IQCH: variants seen among roughly 807,000 people sequenced by gnomAD.
IQCH encodes IQ domain-containing protein H.
Under a neutral mutation model 117.0 loss-of-function variants are expected in IQCH, and 98 were observed. That is an observed-to-expected ratio of 0.84 (90% CI 0.71 to 0.99). The LOEUF (loss-of-function observed/expected upper bound fraction) is 0.99. Ranked by LOEUF, IQCH falls within the 50% of genes least tolerant of loss-of-function variation. IQCH has a pLI of 0.00. For missense variants in IQCH, 1,102 were observed against 1,243.8 expected (o/e 0.89, Z 1.72); for synonymous variants, 412 against 448.2 (o/e 0.92, Z 1.02).
rs1261925328 is a variant in IQCH at position 67,481,867 on chromosome 15, C to T, written c.2799+6049C>T. 3.3e-5 allele frequency among the ~76,000 whole-genome samples: 5 copies of T among 152,198 alleles called. No homozygotes were observed. Among genetic ancestry groups the T allele is most frequent in the Non-Finnish European group, 5.9e-5 (4 of 68,036 alleles). On this transcript the variant is annotated intron_variant, in intron 18 of 20. Coordinates refer to ENST00000335894, the MANE Select transcript of IQCH (RefSeq NM_001031715.3). This position sits in a 1 kb window ranked among gnomAD's most constrained non-coding sequence, Gnocchi z 4.1. ...CAGTCTGGATTAAAAGAGACTGTTG[C>T]TGCTTAAGACTTAAAACAACCCTTG...
rs932333906 is a variant in IQCH, at chr15:67,290,205, T to G, written c.387+10693T>G. On this transcript the variant is annotated intron_variant, in intron 4 of 20. Coordinates refer to ENST00000335894, the MANE Select transcript of IQCH (RefSeq NM_001031715.3). ...CCTGAAAATCAGTGGAAGGCTTCTG[T>G]CAGAGCTTTTCAGTACCTGAATGAT... 1.3e-5 allele frequency among the ~76,000 whole-genome samples: 2 copies of G among 152,096 alleles called. 1 individual carries two copies. The highest frequency in any genetic ancestry group is 1.3e-4 in the Admixed American group (2 of 15,158).
rs909437652 is a variant in IQCH, at chr15:67,458,159, C to T, written c.2506-6968C>T. 2.0e-5 allele frequency among the ~76,000 whole-genome samples: 3 copies of T among 152,202 alleles called. No homozygotes were observed. The highest frequency in any genetic ancestry group is 6.5e-5 in the Admixed American group (1 of 15,282). Reference sequence around the variant, plus strand: ...AAAAAGTGCCTGAGATTTCAACCCACCCTCTATAACATGCTGTAACAAAGG... The same window carrying T: ...AAAAAGTGCCTGAGATTTCAACCCATCCTCTATAACATGCTGTAACAAAGG... On this transcript the variant is annotated intron_variant, in intron 16 of 20. Coordinates refer to ENST00000335894, the MANE Select transcript of IQCH (RefSeq NM_001031715.3). This position sits in a 1 kb window ranked among gnomAD's most constrained non-coding sequence, Gnocchi z 4.1.
Position 67,457,980 on chromosome 15 carries a change from A to G in IQCH, c.2506-7147A>G, listed in dbSNP as rs1420411260. On this transcript the variant is annotated intron_variant, in intron 16 of 20. Coordinates refer to ENST00000335894, the MANE Select transcript of IQCH (RefSeq NM_001031715.3). This position sits in a 1 kb window ranked among gnomAD's most constrained non-coding sequence, Gnocchi z 5.7. ...TCCCCTGGGGAAGGCCTCAGGTCCTATAGACCTCACTTCTCACCAATCCAG... is the reference window on the plus strand; with the variant it reads ...TCCCCTGGGGAAGGCCTCAGGTCCTGTAGACCTCACTTCTCACCAATCCAG... 6.6e-6 allele frequency among the ~76,000 whole-genome samples: 1 copy of G among 152,192 alleles called. No individual in the cohort carries two copies. The highest frequency in any genetic ancestry group is 1.5e-5 in the Non-Finnish European group (1 of 68,034).
intron 1 of IQCH, among the ~76,000 whole-genome samples, chr15:67,255,979 A>G (rs1596036482): frequency 6.6e-6 from 1 of 152,164 alleles, no homozygotes; most frequent in East Asian, 1.9e-4. Context: ...AAACTGCCCT[A>G]ACTTCAACAC....
At chr15:67,289,730 T>A (rs1596109873) in intron 4 of IQCH, among the ~76,000 whole-genome samples, 1 of 152,256 alleles carries the variant, frequency 6.6e-6, no homozygotes, top group East Asian at 1.9e-4. Context: ...AGATTTGCTC[T>A]TATCAACATT....
At position 67,473,823 on chromosome 15, in the gene IQCH, G is replaced by GA. The variant is rs1176347344; in HGVS notation, c.2677-1868dup. Among the ~76,000 whole-genome samples, 4 of 152,086 alleles carry GA rather than the reference G, an allele frequency of 2.6e-5. No individual in the cohort carries two copies. Among genetic ancestry groups the GA allele is most frequent in the African/African-American group, 9.7e-5 (4 of 41,414 alleles). On this transcript the variant is annotated intron_variant, in intron 17 of 20. Transcript: ENST00000335894. This position sits in a 1 kb window ranked among gnomAD's most constrained non-coding sequence, Gnocchi z 4.9. ...GGATCAAATCAATTTTCTGTTGTTA[G>GA]AAAAATCCCAATGGCTACAAATGGG...
intron 18 of IQCH, among the ~76,000 whole-genome samples, chr15:67,478,878 T>C (rs1451702502): frequency 2.6e-5 from 4 of 151,018 alleles, no homozygotes; most frequent in Non-Finnish European, 5.9e-5. Context: ...GAGCCGAGAT[T>C]GCGCCACTGC....
intron 14 of IQCH, among the ~76,000 whole-genome samples, chr15:67,415,809 TA>T (rs1274972423): frequency 6.6e-6 from 1 of 152,224 alleles, no homozygotes; most frequent in Non-Finnish European, 1.5e-5. Context: ...TGAATATGAA[TA>T]TTGTCTATCA....
chr15:67,355,740 A>G (rs1969866877), intron 6 of IQCH, among the ~76,000 whole-genome samples: 1 of 152,238 alleles, frequency 6.6e-6, no homozygotes, highest in Non-Finnish European at 1.5e-5. Context: ...GCAGTGCATT[A>G]GGATACGGTT....
intron 4 of IQCH, chr15:67,306,776 A>G: frequency 2.3e-6 from 3 of 1,292,772 alleles, no homozygotes; most frequent in South Asian, 2.5e-5. Flanking sequence ...TTTTTTCAAT[A>G]TCTTCAATCT....
chr15:67,329,577 T>C (rs1251379858), intron 4 of IQCH, among the ~76,000 whole-genome samples: 1 of 152,058 alleles, frequency 6.6e-6, no homozygotes, highest in East Asian at 1.9e-4. Context: ...GCTCAAGCAA[T>C]CCTCTCACCT....
At chr15:67,288,000 C>T (rs959670578) in intron 4 of IQCH, among the ~76,000 whole-genome samples, 1 of 151,986 alleles carries the variant, frequency 6.6e-6, no homozygotes, top group Non-Finnish European at 1.5e-5. Context: ...TTCATTGACC[C>T]ACTGGTCATT....
At position 67,395,325 on chromosome 15, in the gene IQCH, ACAGTC is replaced by A; in HGVS notation, c.1669_1673del (p.Ser557GlnfsTer26). The A allele has an allele frequency of 6.2e-7, 1 of 1,613,970 alleles. No homozygotes were observed. Among genetic ancestry groups the A allele is most frequent in the Non-Finnish European group, 8.5e-7 (1 of 1,179,896 alleles). ...ATGTGCCTGGCCACTCACCTGATGT[ACAGTC>A]CCAAGGCAATCAAAAGAATAAAAAA... is the stretch of plus-strand genomic sequence containing the variant. On this transcript the variant is annotated frameshift_variant, in exon 13 of 21. Coordinates refer to ENST00000335894, the MANE Select transcript of IQCH (RefSeq NM_001031715.3). LOFTEE classifies it high-confidence loss of function. The surrounding 1 kb of genome is among the most constrained non-coding windows in gnomAD (Gnocchi z 4.0).
chr15:67,319,677 A>G (rs1473657177), intron 4 of IQCH, among the ~76,000 whole-genome samples: 1 of 152,234 alleles, frequency 6.6e-6, no homozygotes, highest in African/African-American at 2.4e-5. Context: ...AAAATATGCA[A>G]CCTGTCCTCA....
At chr15:67,353,420 C>T (rs1019616247) in intron 6 of IQCH, among the ~76,000 whole-genome samples, 4 of 150,432 alleles carry the variant, frequency 2.7e-5, no homozygotes, top group African/African-American at 7.4e-5. Context: ...AGTGCAATGG[C>T]GTGATCTCAG....
chr15:67,409,661 C>T (rs901013968), intron 14 of IQCH, among the ~76,000 whole-genome samples: 4 of 152,118 alleles, frequency 2.6e-5, no homozygotes, highest in Admixed American at 2.6e-4. Flanking sequence ...TAATGAGAGC[C>T]GCCACCACAG....
In IQCH at chr15:67,496,191, C is replaced by A. The variant is rs2083803703; in HGVS notation, c.2970+1825C>A. 6.6e-6 allele frequency among the ~76,000 whole-genome samples: 1 copy of A among 151,856 alleles called. No homozygotes were observed. Among genetic ancestry groups the A allele is most frequent in the African/African-American group, 2.4e-5 (1 of 41,320 alleles). On this transcript the variant is annotated intron_variant, in intron 20 of 20. Coordinates refer to ENST00000335894, the MANE Select transcript of IQCH (RefSeq NM_001031715.3). This position sits in a 1 kb window ranked among gnomAD's most constrained non-coding sequence, Gnocchi z 4.4. ...AATTAGCCAGGTGTGGTGGCTCATG[C>A]CTGTAGTCCCAGCTACTTGGGGGGC...
chr15:67,353,063 T>C (rs1310322631), intron 6 of IQCH, among the ~76,000 whole-genome samples: 1 of 151,928 alleles, frequency 6.6e-6, no homozygotes, highest in African/African-American at 2.4e-5. Flanking sequence ...GGAGAATTGC[T>C]TGAACCCAGG....
chr15:67,398,715 T>A (rs1229528979), intron 13 of IQCH, among the ~76,000 whole-genome samples: 4 of 151,824 alleles, frequency 2.6e-5, no homozygotes, highest in African/African-American at 9.7e-5. Flanking sequence ...ATGAGTCCTT[T>A]CACACTCTTT....
Sources: allele counts gnomAD v4.1 joint callset (sites outside exome capture counted in the v4.1 genomes callset), GRCh38; gene constraint gnomAD v4.1.1; non-coding constraint Gnocchi (gnomAD v3.1); transcripts MANE v1.5; gene names NCBI Gene and HGNC (gene_info 2026-07-23, HGNC 2026-07-21).